The following SNTB1 variants were observed in gnomAD, a reference collection of about 807,000 sequenced individuals.
SNTB1 encodes the protein syntrophin beta 1, also known as beta-1-syntrophin.
SNTB1 carries 36 observed loss-of-function variants against 48.9 expected under a neutral mutation model. The ratio of observed to expected loss-of-function variants is 0.74; its 90% confidence interval spans 0.56 to 0.97. The LOEUF is 0.97. SNTB1 is among the 50% of genes least tolerant of loss of function. SNTB1 has a pLI of 0.00. For synonymous variants in SNTB1, 299 were observed against 294.6 expected (o/e 1.01, Z -0.15); for missense variants, 786 against 703.4 (o/e 1.12, Z -1.33).
chr8:120,643,692 T>C (rs1817234479), intron 2 of SNTB1, among the ~76,000 whole-genome samples: 1 of 152,212 alleles, frequency 6.6e-6, no homozygotes. Context: ...TGTTTCCACA[T>C]TTTTGCAGTT....
intron 2 of SNTB1, among the ~76,000 whole-genome samples, chr8:120,667,746 GT>G (rs561933449): frequency 6.6e-6 from 1 of 150,772 alleles, no homozygotes; most frequent in African/African-American, 2.4e-5. Context: ...ATTCATCAGT[GT>G]TTTTTTTTCT....
Position 120,778,000 on chromosome 8 carries a change from C to G in SNTB1, c.571+33273G>C, listed in dbSNP as rs543520071. ...TCACTCCCTTTCTCCAGTCTGAAAA[C>G]CTTTGCTGTTTTGCAAACCACAGCT... On this transcript the variant is annotated intron_variant, in intron 1 of 6. Transcript: ENST00000517992. Among the ~76,000 whole-genome samples the G allele has an allele frequency of 2.0e-5, 3 of 152,338 alleles. No individual in the cohort carries two copies. The East Asian group carries it at 5.8e-4, about 29-fold the overall frequency.
intron 3 of SNTB1, among the ~76,000 whole-genome samples, chr8:120,604,142 C>T (rs1051316368): frequency 3.9e-5 from 6 of 152,330 alleles, no homozygotes; most frequent in African/African-American, 1.4e-4. Flanking sequence ...TCATGGAATG[C>T]ACAGATCAAG....
At chr8:120,568,662 G>T (rs576927198) in intron 4 of SNTB1, among the ~76,000 whole-genome samples, 94 of 152,278 alleles carry the variant, frequency 6.2e-4, no homozygotes, top group African/African-American at 2.2e-3. Context: ...CCAGGCTGCC[G>T]CCCAGGAGCA....
chr8:120,666,321 A>C (rs1251092137), intron 2 of SNTB1, among the ~76,000 whole-genome samples: 1 of 152,146 alleles, frequency 6.6e-6, no homozygotes, highest in Non-Finnish European at 1.5e-5. Context: ...ATTTCACCTT[A>C]ATTTTTGAAG....
intron 1 of SNTB1, among the ~76,000 whole-genome samples, chr8:120,731,015 G>T (rs1209440270): frequency 1.3e-5 from 2 of 152,122 alleles, no homozygotes; most frequent in African/African-American, 2.4e-5. Context: ...CAGCTACTTG[G>T]GAGGCTGAGG....
At chr8:120,667,488 T>C (rs1376021383) in intron 2 of SNTB1, among the ~76,000 whole-genome samples, 1 of 152,352 alleles carries the variant, frequency 6.6e-6, no homozygotes, top group East Asian at 1.9e-4. Context: ...CTTAGACTAA[T>C]ATGCAAGTTA....
chr8:120,742,299 C>T (rs1361531901), intron 1 of SNTB1, among the ~76,000 whole-genome samples: 1 of 152,138 alleles, frequency 6.6e-6, no homozygotes, highest in Non-Finnish European at 1.5e-5. Flanking sequence ...ATGTTGTGTT[C>T]CATTGATTCT....
At chr8:120,671,121 G>A (rs891694488) in intron 2 of SNTB1, among the ~76,000 whole-genome samples, 24 of 152,088 alleles carry the variant, frequency 1.6e-4, no homozygotes, top group Non-Finnish European at 2.1e-4. Context: ...TTTTTTGGAG[G>A]TTCCAATCCT....
chr8:120,706,075 C>CA (rs78490657), intron 1 of SNTB1, among the ~76,000 whole-genome samples: 14,394 of 151,982 alleles, frequency 0.095, 674 homozygotes, highest in Admixed American at 0.11. Context: ...TAAATAATTT[C>CA]AAAAAATGTA....
chr8:120,780,084 T>TA (rs71571678), intron 1 of SNTB1, among the ~76,000 whole-genome samples: 86,552 of 135,180 alleles, frequency 0.64, 27,350 homozygotes, highest in East Asian at 0.71. Flanking sequence ...ATGATCTAGT[T>TA]AAAAAAAAAA....
At chr8:120,689,282 A>G (rs1818086349) in intron 2 of SNTB1, among the ~76,000 whole-genome samples, 1 of 152,172 alleles carries the variant, frequency 6.6e-6, no homozygotes, top group African/African-American at 2.4e-5. Context: ...ATTGGTTCTC[A>G]GGTTTTAGCT....
chr8:120,599,135 C>T (rs1816377069), intron 3 of SNTB1, among the ~76,000 whole-genome samples: 1 of 152,206 alleles, frequency 6.6e-6, no homozygotes. Flanking sequence ...AAGAAAGGTG[C>T]TACCTCTATA....
rs552525306 is a variant in SNTB1, at chr8:120,753,065, G to T, written c.571+58208C>A. 3.0e-3 allele frequency among the ~76,000 whole-genome samples: 454 copies of T among 152,058 alleles called. 4 individuals carry two copies. Among genetic ancestry groups the T allele is most frequent in the Non-Finnish European group, 3.1e-3 (213 of 67,990 alleles). ...TGCTCCTTTCCAAGATTTTCCTTGG[G>T]GTTGCTAAGCCTGATGGCACAGGGT... On this transcript the variant is annotated intron_variant, in intron 1 of 6. Coordinates refer to ENST00000517992, the MANE Select transcript of SNTB1 (RefSeq NM_021021.4).
At chr8:120,809,697 C>T (rs1453306365) in intron 1 of SNTB1, among the ~76,000 whole-genome samples, 4 of 152,168 alleles carry the variant, frequency 2.6e-5, no homozygotes, top group Non-Finnish European at 5.9e-5. Flanking sequence ...ACACTTGCCC[C>T]AGATCCCACC....
At chr8:120,731,062 C>T (rs1221112708) in intron 1 of SNTB1, among the ~76,000 whole-genome samples, 1 of 151,888 alleles carries the variant, frequency 6.6e-6, no homozygotes, top group Admixed American at 6.6e-5. Context: ...TGGAGGTTGC[C>T]ATGAGTCAAG....
chr8:120,610,623 CACTTGGAAGAGGGCCAAGTGGGCA>C (rs1237888133), intron 3 of SNTB1, among the ~76,000 whole-genome samples: 1 of 152,110 alleles, frequency 6.6e-6, no homozygotes, highest in East Asian at 1.9e-4. Context: ...AAGAAAAGTA[CACTTGGAAGAGGGCCAAGTGGGCA>C]ACTTGAGAAA....
intron 3 of SNTB1, among the ~76,000 whole-genome samples, chr8:120,607,819 A>C (rs1318182995): frequency 6.6e-6 from 1 of 152,228 alleles, no homozygotes; most frequent in African/African-American, 2.4e-5. Context: ...ACAGAACTCC[A>C]CAGGTGGTTC....
intron 1 of SNTB1, among the ~76,000 whole-genome samples, chr8:120,767,572 A>G (rs988259520): frequency 6.6e-6 from 1 of 152,236 alleles, no homozygotes; most frequent in African/African-American, 2.4e-5. Flanking sequence ...TAGGCTCTAC[A>G]GCCAGACTGT....
Sources: gnomAD v4.1 joint callset for allele counts (sites outside exome capture counted in the v4.1 genomes callset) on GRCh38, gnomAD v4.1.1 for gene constraint, MANE v1.5 for transcripts, NCBI Gene and HGNC (gene_info 2026-07-23, HGNC 2026-07-21) for gene names.